The following ETFBKMT variants were observed in gnomAD, a reference collection of about 807,000 sequenced individuals.
ETFBKMT encodes the protein electron transfer flavoprotein beta subunit lysine methyltransferase.
In ETFBKMT, 13 loss-of-function variants were observed where a neutral mutation model predicts 18.3. The observed-to-expected ratio is 0.71, with a 90% CI of 0.46 to 1.13. The LOEUF (loss-of-function observed/expected upper bound fraction) is 1.13. Among genes scored for constraint, ETFBKMT ranks in the 50% most tolerant of loss-of-function variants. The pLI, the probability that ETFBKMT is intolerant of heterozygous loss-of-function variation, is 0.00. For synonymous variants in ETFBKMT, 84 were observed against 107.9 expected, an observed-to-expected ratio of 0.78 and a Z score of 1.37; for missense variants, 293 against 306.2, an observed-to-expected ratio of 0.96 and a Z score of 0.32.
upstream of ETFBKMT, among the ~76,000 whole-genome samples, chr12:31,654,191 A>T (rs1279052541): frequency 6.6e-6 from 1 of 152,028 alleles, no homozygotes; most frequent in Non-Finnish European, 1.5e-5. Context: ...CTGGGATTAC[A>T]GGCACACGCC....
Position 31,672,430 on chromosome 12 carries a change from GTTTCC to G in ETFBKMT, c.*4442_*4446del. On this transcript the variant is annotated 3_prime_UTR_variant, in exon 4 of 4. Coordinates refer to ENST00000357721, the MANE Select transcript of ETFBKMT (RefSeq NM_001135863.2). ...TAATTGACAATAAAAAATGTTTAATGTTTCCTCATGTCTAACTGGAGGTGATGTTA... is the reference window on the plus strand; with the variant it reads ...TAATTGACAATAAAAAATGTTTAATGTCATGTCTAACTGGAGGTGATGTTA... 8.1e-7 allele frequency: 1 copy of G among 1,233,694 alleles called. No homozygotes were observed. The highest frequency in any genetic ancestry group is 1.2e-6 in the Non-Finnish European group (1 of 859,154). 76.4% of individuals were successfully genotyped at this position (1,233,694 alleles called of 1,614,324 possible). A position where few individuals can be genotyped will look rare whatever the true frequency, so the allele number is the denominator to read the frequency against.
intron 1 of ETFBKMT, among the ~76,000 whole-genome samples, chr12:31,653,940 T>G (rs1039563359): frequency 2.0e-5 from 3 of 151,978 alleles, no homozygotes; most frequent in Admixed American, 1.3e-4. Flanking sequence ...AGAGTGAAAC[T>G]CTGTCTCAAA....
At chr12:31,653,124 G>T (rs759597417) in intron 1 of ETFBKMT, among the ~76,000 whole-genome samples, 15 of 150,242 alleles carry the variant, frequency 1.0e-4, no homozygotes, top group Non-Finnish European at 1.9e-4. Context: ...CAGGAGAATC[G>T]CTTGAACCCA....
chr12:31,665,205 G>T (rs944681742), intron 2 of ETFBKMT, among the ~76,000 whole-genome samples: 2 of 152,136 alleles, frequency 1.3e-5, no homozygotes, highest in Non-Finnish European at 1.5e-5. Flanking sequence ...CAAAGTGCTG[G>T]GATTACAGGC....
chr12:31,672,265 T>G lies in ETFBKMT; in HGVS notation c.*4275T>G. 2 of 1,427,138 alleles carry G rather than the reference T, an allele frequency of 1.4e-6. No individual in the cohort carries two copies. The highest frequency in any genetic ancestry group is 9.7e-7 in the Non-Finnish European group (1 of 1,033,534). 88.4% of individuals were successfully genotyped at this position (1,427,138 alleles called of 1,614,324 possible). ...AGATGGTTTCCTGGGAAAGTAGTTT[T>G]GATAAGCTTTCCTAGCATTGATCAT... is the stretch of plus-strand genomic sequence containing the variant. On this transcript the variant is annotated 3_prime_UTR_variant, in exon 4 of 4. Coordinates refer to ENST00000357721, the MANE Select transcript of ETFBKMT (RefSeq NM_001135863.2).
upstream of ETFBKMT, among the ~76,000 whole-genome samples, chr12:31,656,251 A>C (rs61561194): frequency 1.0e-3 from 159 of 152,192 alleles, 1 homozygote; most frequent in African/African-American, 3.8e-3. Flanking sequence ...GAGGACCTTA[A>C]CGTTGAACTG....
chr12:31,672,025 A>AATCC lies in ETFBKMT; in HGVS notation c.*4037_*4040dup. On this transcript the variant is annotated 3_prime_UTR_variant, in exon 4 of 4. Coordinates refer to ENST00000357721, the MANE Select transcript of ETFBKMT (RefSeq NM_001135863.2). ...AATTTTAAAGTTATTTAAGAAACAG[A>AATCC]ATCCAACACCATAGATCAGAGTTCA... 3.6e-6 allele frequency: 1 copy of AATCC among 276,080 alleles called. No individual in the cohort carries two copies. The highest frequency in any genetic ancestry group is 6.8e-6 in the Non-Finnish European group (1 of 147,686). 17.1% of individuals were successfully genotyped at this position (276,080 alleles called of 1,614,324 possible). A position where few individuals can be genotyped will look rare whatever the true frequency, so the allele number is the denominator to read the frequency against.
chr12:31,662,771 C>T (rs1951143356), intron 2 of ETFBKMT, among the ~76,000 whole-genome samples: 1 of 152,140 alleles, frequency 6.6e-6, no homozygotes, highest in African/African-American at 2.4e-5. Flanking sequence ...ATAAGTGATC[C>T]AGAAATCTCA....
Position 31,667,971 on chromosome 12 carries a change from T to C in ETFBKMT, c.770T>C (p.Val257Ala). 1.2e-6 allele frequency: 2 copies of C among 1,612,872 alleles called. No individual in the cohort carries two copies. Among genetic ancestry groups the C allele is most frequent in the Middle Eastern group, 1.7e-4 (1 of 6,056 alleles). ...QENSGLTTST[V>A]WGFQP ...AACAGTGGACTGACAACAAGCACAGTGTGGGGTTTTCAGCCTTGAGTTGTC... is the reference window on the plus strand; with the variant it reads ...AACAGTGGACTGACAACAAGCACAGCGTGGGGTTTTCAGCCTTGAGTTGTC... Residue 257 changes from valine (V) to alanine (A), a missense_variant, in exon 4 of 4, where the codon GTG becomes GCG. Val to Ala is a moderately conservative substitution (Grantham distance 64). Coordinates refer to ENST00000357721, the MANE Select transcript of ETFBKMT (RefSeq NM_001135863.2).
chr12:31,657,791 CAAAAAAAAAAAA>C (rs777612236), upstream of ETFBKMT, among the ~76,000 whole-genome samples: 2 of 46,332 alleles, frequency 4.3e-5, no homozygotes, highest in Admixed American at 2.3e-4. Flanking sequence ...GACTTCATCT[CAAAAAAAAAAAA>C]AAAAAAAAAA....
In ETFBKMT at chr12:31,672,577, A is replaced by G; in HGVS notation, c.*4587A>G. The G allele has an allele frequency of 2.1e-6, 1 of 465,576 alleles. No homozygotes were observed. The highest frequency in any genetic ancestry group is 3.8e-6 in the Non-Finnish European group (1 of 260,262). 28.8% of individuals were successfully genotyped at this position (465,576 alleles called of 1,614,324 possible). On this transcript the variant is annotated 3_prime_UTR_variant, in exon 4 of 4. Coordinates refer to ENST00000357721, the MANE Select transcript of ETFBKMT (RefSeq NM_001135863.2). ...CACTATTATTAGGTGTAGTGCACCTATCATGGTATTACTTGTTTAAAAAAA... is the reference window on the plus strand; with the variant it reads ...CACTATTATTAGGTGTAGTGCACCTGTCATGGTATTACTTGTTTAAAAAAA...
At chr12:31,653,164 G>A (rs890957489) in intron 1 of ETFBKMT, among the ~76,000 whole-genome samples, 2 of 149,434 alleles carry the variant, frequency 1.3e-5, no homozygotes, top group Non-Finnish European at 3.0e-5. Flanking sequence ...AGCTGAGATC[G>A]TGCCACTGCA....
chr12:31,656,612 CG>C (rs1951064293), upstream of ETFBKMT, among the ~76,000 whole-genome samples: 1 of 152,194 alleles, frequency 6.6e-6, no homozygotes, highest in African/African-American at 2.4e-5. Flanking sequence ...GCTAGCATTA[CG>C]GTTAAACGAG....
upstream of ETFBKMT, among the ~76,000 whole-genome samples, chr12:31,655,707 G>A (rs1165507465): frequency 1.3e-5 from 2 of 152,162 alleles, no homozygotes; most frequent in African/African-American, 2.4e-5. Flanking sequence ...TTTGCTTCAC[G>A]CCTATCTCCC....
At position 31,669,650 on chromosome 12, in the gene ETFBKMT, T is replaced by A. The variant is rs970605732; in HGVS notation, c.*1660T>A. 1.4e-4 allele frequency: 21 copies of A among 152,220 alleles called. No individual in the cohort carries two copies. The highest frequency in any genetic ancestry group is 4.8e-4 in the African/African-American group (20 of 41,446). The allele number at this position is 152,220 out of a possible 1,614,324, so 9.4% of individuals were successfully genotyped here. On this transcript the variant is annotated 3_prime_UTR_variant, in exon 4 of 4. Transcript: ENST00000357721. The stretch of plus-strand genomic sequence containing the variant: ...AACTATGAAAGTGTGGTGTCTCCCC[T>A]AGGAGTGGGCCCCCTGGAGTTTGTT...
intron 1 of ETFBKMT, among the ~76,000 whole-genome samples, chr12:31,653,018 G>A (rs1951030490): frequency 6.6e-6 from 1 of 152,236 alleles, no homozygotes; most frequent in South Asian, 2.1e-4. Flanking sequence ...GAACCAGCCT[G>A]GGCAACACGG....
chr12:31,654,052 G>C (rs1473888123), intron 1 of ETFBKMT, among the ~76,000 whole-genome samples: 2 of 152,062 alleles, frequency 1.3e-5, no homozygotes, highest in African/African-American at 2.4e-5. Context: ...CAACTATTTT[G>C]TTTTATTTTA....
chr12:31,652,192 G>A (rs77941212), intron 1 of ETFBKMT, among the ~76,000 whole-genome samples: 1 of 152,146 alleles, frequency 6.6e-6, no homozygotes, highest in African/African-American at 2.4e-5. Flanking sequence ...CGCATCCACT[G>A]CCGGCTGGTC....
In ETFBKMT at chr12:31,672,482, G is replaced by A. The variant is rs1951299958; in HGVS notation, c.*4492G>A. The A allele has an allele frequency of 1.2e-6, 1 of 807,232 alleles. No individual in the cohort carries two copies. Among genetic ancestry groups the A allele is most frequent in the Non-Finnish European group, 2.1e-6 (1 of 486,888 alleles). 50.0% of individuals were successfully genotyped at this position (807,232 alleles called of 1,614,324 possible). ...GTTAATTATTATACAGTTATTTAAA[G>A]GATTAAAGGAGGTGATCTATAAAGC... On this transcript the variant is annotated 3_prime_UTR_variant, in exon 4 of 4. Transcript: ENST00000357721.
Sources: allele counts gnomAD v4.1 joint callset (sites outside exome capture counted in the v4.1 genomes callset), GRCh38; gene constraint gnomAD v4.1.1; transcripts MANE v1.5; gene names NCBI Gene and HGNC (gene_info 2026-07-23, HGNC 2026-07-21).